Variants in METTL15 observed in about 807,000 individuals in gnomAD.
METTL15 encodes 12S rRNA N(4)-cytidine methyltransferase METTL15.
A neutral mutation model predicts 38.3 loss-of-function variants in METTL15; 34 were observed. That is an observed-to-expected ratio of 0.89 (90% CI 0.68 to 1.18). The LOEUF (loss-of-function observed/expected upper bound fraction) is 1.18, where lower values mean the gene tolerates loss of function less well. Among genes scored for constraint, METTL15 ranks in the 50% most tolerant of loss-of-function variants. The pLI, the probability that METTL15 is intolerant of heterozygous loss-of-function variation, is 0.00. For synonymous variants in METTL15, 162 were observed against 170.9 expected (o/e 0.95, Z 0.41); for missense variants, 438 against 498.4 (o/e 0.88, Z 1.15).
At chr11:28,197,672 TC>T (rs1162312975) in intron 3 of METTL15, 14 of 285,298 alleles carry the variant, frequency 4.9e-5, no homozygotes, top group Non-Finnish European at 1.0e-4. Flanking sequence ...TTTCTATTTC[TC>T]CCTGCAATAT....
At chr11:28,125,959 G>T (rs1483229681) in intron 3 of METTL15, 1 of 151,910 alleles carries the variant, frequency 6.6e-6, no homozygotes, top group African/African-American at 2.4e-5. Context: ...TCCACACATG[G>T]CTATGTATTT....
At chr11:28,247,689 C>CA (rs1426423016) in intron 4 of METTL15, among the ~76,000 whole-genome samples, 8 of 152,096 alleles carry the variant, frequency 5.3e-5, no homozygotes, top group African/African-American at 1.7e-4. Flanking sequence ...ACTAAAAACT[C>CA]ATTCTCTCGT....
At chr11:28,411,746 A>T (rs1026778542) in intron 5 of METTL15, among the ~76,000 whole-genome samples, 9 of 152,038 alleles carry the variant, frequency 5.9e-5, no homozygotes, top group African/African-American at 2.2e-4. Context: ...AAATAATGGG[A>T]CTACATTAAA....
In METTL15 at chr11:28,498,629, TCCC is replaced by T. The variant is rs548988504; in HGVS notation, c.*425-27847_*425-27845del. On this transcript the variant is annotated intron_variant and NMD_transcript_variant, in intron 6 of 7. Coordinates refer to the METTL15 transcript ENST00000532947. ...CCTTTTGCACTGACCTGACTAAAAT[TCCC>T]CTTATTTAGAGATTCATCCCTTTAT... Among the ~76,000 whole-genome samples, 108 of 152,306 alleles carry T rather than the reference TCCC, an allele frequency of 7.1e-4. 2 individuals carry two copies. The Middle Eastern group carries it at 0.027, about 38-fold the overall frequency.
chr11:28,433,974 G>A (rs1051268016), intron 6 of METTL15, among the ~76,000 whole-genome samples: 1 of 152,134 alleles, frequency 6.6e-6, no homozygotes, highest in African/African-American at 2.4e-5. Context: ...GTCTCCTTGG[G>A]CATCGTTCTG....
At chr11:28,417,060 A>G (rs1850778357) in intron 5 of METTL15, among the ~76,000 whole-genome samples, 1 of 152,160 alleles carries the variant, frequency 6.6e-6, no homozygotes, top group South Asian at 2.1e-4. Flanking sequence ...AATCACAGCT[A>G]TTTGGAGAAC....
Position 28,389,338 on chromosome 11 carries a change from G to A in METTL15, c.*358+27302G>A, listed in dbSNP as rs943024839. ...GCTGGTGTGCTGCACCCATTAACTC[G>A]TCATTTAGCATTAGGTAAATCTCCT... On this transcript the variant is annotated intron_variant and NMD_transcript_variant, in intron 5 of 7. Transcript: ENST00000532947. 7.0e-4 allele frequency among the ~76,000 whole-genome samples: 104 copies of A among 149,386 alleles called. 1 individual carries two copies. The highest frequency in any genetic ancestry group is 1.2e-3 in the Non-Finnish European group (81 of 67,388).
At chr11:28,413,574 C>G (rs1850747828) in intron 5 of METTL15, among the ~76,000 whole-genome samples, 1 of 152,090 alleles carries the variant, frequency 6.6e-6, no homozygotes, top group Non-Finnish European at 1.5e-5. Context: ...AATTGCTGAG[C>G]ATTTGTACTG....
intron 4 of METTL15, among the ~76,000 whole-genome samples, chr11:28,360,242 T>TG (rs1210739468): frequency 1.3e-5 from 2 of 152,308 alleles, no homozygotes; most frequent in East Asian, 3.9e-4. Context: ...AATAGACAAG[T>TG]GTAAGATGGG....
chr11:28,145,055 G>T, intron 3 of METTL15: 1 of 171,094 alleles, frequency 5.8e-6, no homozygotes, highest in South Asian at 1.7e-4. Flanking sequence ...TTCAGGCTCT[G>T]AATAGCTGTC....
intron 6 of METTL15, among the ~76,000 whole-genome samples, chr11:28,308,354 C>T (rs1028105552): frequency 6.6e-6 from 1 of 152,016 alleles, no homozygotes. Flanking sequence ...CTCCCATTCT[C>T]TCTACTCCTT....
At chr11:28,204,877 A>G (rs1353928256) in intron 3 of METTL15, among the ~76,000 whole-genome samples, 1 of 152,062 alleles carries the variant, frequency 6.6e-6, no homozygotes, top group Non-Finnish European at 1.5e-5. Context: ...TGAAATAACC[A>G]GAATAAACTT....
intron 4 of METTL15, among the ~76,000 whole-genome samples, chr11:28,220,709 G>A (rs189108214): frequency 9.2e-5 from 14 of 152,070 alleles, no homozygotes; most frequent in South Asian, 2.1e-4. Context: ...CCGGTTGTTC[G>A]TTTCCATGTT....
intron 3 of METTL15, among the ~76,000 whole-genome samples, chr11:28,151,006 C>CAAAAAAAA (rs34906623): frequency 2.4e-5 from 2 of 84,520 alleles, no homozygotes; most frequent in African/African-American, 3.9e-5. Flanking sequence ...CAACAGTGAC[C>CAAAAAAAA]AAAAAAAAAA....
At chr11:28,303,715 C>A (rs1856987497) in intron 6 of METTL15, among the ~76,000 whole-genome samples, 1 of 152,048 alleles carries the variant, frequency 6.6e-6, no homozygotes, top group African/African-American at 2.4e-5. Context: ...CGTACATTCC[C>A]AGCCAAAGTA....
At chr11:28,110,506 A>T (rs1590727136) in intron 2 of METTL15, 105 bp downstream of exon 2, 1 of 152,212 alleles carries the variant, frequency 6.6e-6, no homozygotes, top group Non-Finnish European at 1.5e-5. Flanking sequence ...AAAGAAAAAT[A>T]CGCCCCTGAC....
At chr11:28,326,244 C>A (rs10835309) in intron 6 of METTL15, among the ~76,000 whole-genome samples, 13,170 of 151,908 alleles carry the variant, frequency 0.087, 1,007 homozygotes, top group East Asian at 0.36. Flanking sequence ...CTCCCTGTGG[C>A]CTCATTCAGA....
At chr11:28,355,271 T>C (rs867388856) in intron 4 of METTL15, among the ~76,000 whole-genome samples, 1 of 152,216 alleles carries the variant, frequency 6.6e-6, no homozygotes, top group Non-Finnish European at 1.5e-5. Flanking sequence ...TTGAAAGACT[T>C]TGCAAAAATT....
downstream of METTL15, among the ~76,000 whole-genome samples, chr11:28,530,609 C>T (rs1433682553): frequency 1.3e-5 from 2 of 152,002 alleles, no homozygotes; most frequent in Non-Finnish European, 2.9e-5. Context: ...ACCAACATAA[C>T]GTCACTGAAC....
Sources: allele counts gnomAD v4.1 joint callset (sites outside exome capture counted in the v4.1 genomes callset), GRCh38; gene constraint gnomAD v4.1.1; transcripts MANE v1.5; gene names NCBI Gene and HGNC (gene_info 2026-07-23, HGNC 2026-07-21).